The following OTOP3 variants were observed in gnomAD, a reference collection of about 807,000 sequenced individuals.
OTOP3 encodes otopetrin 3, also known as proton channel OTOP3.
Under a neutral mutation model 50.8 loss-of-function variants are expected in OTOP3, and 41 were observed. The observed-to-expected ratio is 0.81, with a 90% CI of 0.63 to 1.05. The LOEUF (loss-of-function observed/expected upper bound fraction) is 1.05. Ranked by LOEUF, OTOP3 falls within the 50% of genes least tolerant of loss-of-function variation. The probability of loss-of-function intolerance (pLI) is 0.00; values close to 1 mark genes in which losing one functional copy is unlikely to be tolerated. For synonymous variants in OTOP3, 320 were observed against 324.4 expected, an observed-to-expected ratio of 0.99 and a Z score of 0.14; for missense variants, 788 against 760.8, an observed-to-expected ratio of 1.04 and a Z score of -0.42.
Position 74,941,960 on chromosome 17 carries a change from G to A in OTOP3, c.496G>A (p.Asp166Asn), listed in dbSNP as rs769880508. The change falls in exon 3 of 7, where the codon GAT becomes AAT. Residue 166 changes from aspartate to asparagine, a missense_variant. Coordinates refer to ENST00000328801, the MANE Select transcript of OTOP3 (RefSeq NM_001272005.2). The part of the protein sequence containing the change: ...FCLNIFRVGY[D>N]VSHIRCKSQL... ...CCTCAACATCTTCCGAGTGGGCTAC[G>A]ATGTGAGCCACATCCGCTGCAAGTC... 1.1e-5 allele frequency: 18 copies of A among 1,613,438 alleles called. No homozygotes were observed. Among genetic ancestry groups the A allele is most frequent in the East Asian group, 6.7e-5 (3 of 44,882 alleles).
At chr17:74,944,476 G>T (rs181976650) in intron 5 of OTOP3, among the ~76,000 whole-genome samples, 1 of 152,320 alleles carries the variant, frequency 6.6e-6, no homozygotes, top group East Asian at 1.9e-4. Flanking sequence ...ATAATTCAGG[G>T]CTGGGCACAG....
At chr17:74,948,163 T>G (rs4789113) in intron 6 of OTOP3, among the ~76,000 whole-genome samples, 129,070 of 152,120 alleles carry the variant, frequency 0.85, 54,804 homozygotes, top group East Asian at 0.9. Context: ...CTTCATGAAG[T>G]TTTGATCTGA....
chr17:74,937,813 A>T (rs2144777066), intron 1 of OTOP3, among the ~76,000 whole-genome samples: 1 of 152,300 alleles, frequency 6.6e-6, no homozygotes, highest in East Asian at 1.9e-4. Context: ...AGCCACACCC[A>T]CAGCACACCA....
intron 6 of OTOP3, among the ~76,000 whole-genome samples, chr17:74,947,867 C>T (rs1280980837): frequency 6.6e-6 from 1 of 152,220 alleles, no homozygotes; most frequent in African/African-American, 2.4e-5. Context: ...CATGCAATGT[C>T]TCTACGCTTC....
intron 5 of OTOP3, among the ~76,000 whole-genome samples, chr17:74,945,285 T>C (rs2039214867): frequency 6.6e-6 from 1 of 152,182 alleles, no homozygotes. Flanking sequence ...AAGAGATGTA[T>C]TCCCCCACAT....
rs2039171637 is a variant in OTOP3, at chr17:74,941,475, G to GA, written c.102_103insA (p.Gly35ArgfsTer68). 1 of 1,608,802 alleles carries GA rather than the reference G, an allele frequency of 6.2e-7. No homozygotes were observed. Among genetic ancestry groups the GA allele is most frequent in the Non-Finnish European group, 8.5e-7 (1 of 1,177,202 alleles). ...CGGAGAAGGAGAACCGAGTGGATGT[G>GA]GGGGCCGAGGAGAGAGCGGCCGCCA... On this transcript the variant is annotated frameshift_variant, in exon 2 of 7. Coordinates refer to ENST00000328801, the MANE Select transcript of OTOP3 (RefSeq NM_001272005.2). LOFTEE classifies it high-confidence loss of function.
At position 74,947,153 on chromosome 17, in the gene OTOP3, C is replaced by T; in HGVS notation, c.1244C>T (p.Ser415Phe). ...GGCCAGATGGGCATCGCCTATTTCT[C>T]CATCGTGGCCATTGTGGCCAAGCGC... ...ALGQMGIAYFSIVAIVAKRPH... is the reference protein window; with the variant it reads ...ALGQMGIAYFFIVAIVAKRPH... The change falls in exon 6 of 7, where the codon TCC (serine) becomes TTC (phenylalanine). Residue 415 changes from serine to phenylalanine, a missense_variant. Coordinates refer to ENST00000328801, the MANE Select transcript of OTOP3 (RefSeq NM_001272005.2). 6.2e-6 allele frequency: 10 copies of T among 1,614,086 alleles called. No individual in the cohort carries two copies. The highest frequency in any genetic ancestry group is 8.5e-6 in the Non-Finnish European group (10 of 1,180,034).
At position 74,946,999 on chromosome 17, in the gene OTOP3, G is replaced by T. The variant is rs763870008; in HGVS notation, c.1090G>T (p.Val364Leu). ...CCTCTACTATGCCTTCTATGTGGCT[G>T]TGCTGCCCACCATGAGTCTGGCGTG... is the stretch of plus-strand genomic sequence containing the variant. ...FTLYYAFYVAVLPTMSLACLA... is the reference protein window; with the variant it reads ...FTLYYAFYVALLPTMSLACLA... The change falls in exon 6 of 7, where the codon GTG (valine) becomes TTG (leucine). Residue 364 changes from valine (V) to leucine (L), a missense_variant. Transcript: ENST00000328801. 1.2e-6 allele frequency: 2 copies of T among 1,613,914 alleles called. No homozygotes were observed. Among genetic ancestry groups the T allele is most frequent in the Admixed American group, 1.7e-5 (1 of 60,030 alleles).
rs371253376 is a variant in OTOP3 at position 74,937,207 on chromosome 17, C to T, written c.19+1267C>T. Among the ~76,000 whole-genome samples the T allele has an allele frequency of 1.3e-4, 20 of 152,240 alleles. No individual in the cohort carries two copies. In the South Asian group the frequency reaches 2.9e-3, roughly 22 times the overall value. ...CTCCAACTCCTGGGCTCAAGGGATC[C>T]GCTCACCTCAGCCTCCCAAAGTGCT... On this transcript the variant is annotated intron_variant, in intron 1 of 6. Coordinates refer to ENST00000328801, the MANE Select transcript of OTOP3 (RefSeq NM_001272005.2).
At chr17:74,943,801 CT>C (rs2039201392) in intron 5 of OTOP3, 77 bp downstream of exon 5, 4 of 1,191,440 alleles carry the variant, frequency 3.4e-6, no homozygotes, top group Non-Finnish European at 3.6e-6. Flanking sequence ...CACATAAACG[CT>C]ACACTCTCTA....
At chr17:74,944,939 CTTCT>C (rs1231289441) in intron 5 of OTOP3, among the ~76,000 whole-genome samples, 3 of 151,650 alleles carry the variant, frequency 2.0e-5, no homozygotes, top group Non-Finnish European at 2.9e-5. Flanking sequence ...ATCTTTTTTT[CTTCT>C]TTCTTTCTTT....
At position 74,949,272 on chromosome 17, in the gene OTOP3, A is replaced by G; in HGVS notation, c.1593A>G (p.Ile531Met). The G allele has an allele frequency of 6.2e-7, 1 of 1,614,068 alleles. No individual in the cohort carries two copies. The highest frequency in any genetic ancestry group is 8.5e-7 in the Non-Finnish European group (1 of 1,179,982). The change falls in exon 7 of 7, where the codon ATA (isoleucine) becomes ATG (methionine). Residue 531 changes from isoleucine (I) to methionine (M), a missense_variant. Ile to Met is a conservative substitution (Grantham distance 10, BLOSUM62 1). Transcript: ENST00000328801. ...TGTGGATGATGCCTGCATTTGGCATACACCCGGAGTTTGAGAACGGGCTAG... is the reference window on the plus strand; with the variant it reads ...TGTGGATGATGCCTGCATTTGGCATGCACCCGGAGTTTGAGAACGGGCTAG... ...ITLWMMPAFG[I>M]HPEFENGLEK...
At position 74,941,822 on chromosome 17, in the gene OTOP3, T is replaced by A. The variant is rs758898207; in HGVS notation, c.436+13T>A. Reference sequence around the variant, plus strand: ...CTCTGGGTGCGGGGTGAGTGTCAGGTTGCTGGGGGGCTGGGCAGGGGTGGG... The same window carrying A: ...CTCTGGGTGCGGGGTGAGTGTCAGGATGCTGGGGGGCTGGGCAGGGGTGGG... On this transcript the variant is annotated intron_variant, in intron 2 of 6. Coordinates refer to ENST00000328801, the MANE Select transcript of OTOP3 (RefSeq NM_001272005.2). 6.2e-7 allele frequency: 1 copy of A among 1,601,560 alleles called. No individual in the cohort carries two copies. Among genetic ancestry groups the A allele is most frequent in the Non-Finnish European group, 8.5e-7 (1 of 1,172,372 alleles).
chr17:74,941,271 TCCCAACCA>T (rs60098450), intron 1 of OTOP3, 114 bp from the exon 2 acceptor site: 168,508 of 1,106,172 alleles, frequency 0.15, 19,133 homozygotes, highest in African/African-American at 0.5. Flanking sequence ...AGTTCCAATG[TCCCAACCA>T]CCCAACCAGA....
chr17:74,946,698 C>A lies in OTOP3; in HGVS notation c.789C>A (p.Thr263=), dbSNP rs767875788. 3 of 1,612,518 alleles carry A rather than the reference C, an allele frequency of 1.9e-6. No individual in the cohort carries two copies. Among genetic ancestry groups the A allele is most frequent in the Non-Finnish European group, 2.5e-6 (3 of 1,179,572 alleles). ...ACACCTGTCTGTGCCTCAATGCCACCGCGTGTGAAGCTTTCCGGAGAGGCT... is the reference window on the plus strand; with the variant it reads ...ACACCTGTCTGTGCCTCAATGCCACAGCGTGTGAAGCTTTCCGGAGAGGCT... ...ETNTCLCLNA[T]ACEAFRRGFL... is the part of the protein sequence containing the mutation. Residue 263 remains threonine (T), a synonymous_variant, in exon 6 of 7, where the codon ACC becomes ACA. Transcript: ENST00000328801.
chr17:74,942,826 T>C (rs866199063), intron 3 of OTOP3, among the ~76,000 whole-genome samples: 1 of 151,806 alleles, frequency 6.6e-6, no homozygotes, highest in Non-Finnish European at 1.5e-5. Context: ...GCGCCTGTAG[T>C]CCCAGCTACT....
At chr17:74,941,865 G>A (rs368837640) in intron 2 of OTOP3, 36 bp from the exon 3 acceptor site, 78 of 1,591,480 alleles carry the variant, frequency 4.9e-5, no homozygotes, top group African/African-American at 9.4e-5. Context: ...AGCCGGTTCC[G>A]CGCAGGTGCC....
At chr17:74,945,643 A>C (rs1251868304) in intron 5 of OTOP3, among the ~76,000 whole-genome samples, 1 of 152,184 alleles carries the variant, frequency 6.6e-6, no homozygotes, top group African/African-American at 2.4e-5. Flanking sequence ...CAAGGTACTA[A>C]TGACTGATGA....
chr17:74,935,816 C>G, upstream of OTOP3: 1 of 1,516,360 alleles, frequency 6.6e-7, no homozygotes, highest in Non-Finnish European at 8.9e-7. Flanking sequence ...GCCGCGGAGC[C>G]CGAGCGGCGG....
Sources: allele counts gnomAD v4.1 joint callset (sites outside exome capture counted in the v4.1 genomes callset), GRCh38; gene constraint gnomAD v4.1.1; transcripts MANE v1.5; gene names NCBI Gene and HGNC (gene_info 2026-07-23, HGNC 2026-07-21).